Variants in GNAI2 observed in about 807,000 individuals in gnomAD.
The protein encoded by GNAI2 is G protein subunit alpha i2, also known as guanine nucleotide-binding protein G(i) subunit alpha-2.
In GNAI2, 4 loss-of-function variants were observed where a neutral mutation model predicts 36.8. That is an observed-to-expected ratio of 0.11 (90% confidence interval 0.05 to 0.25). The LOEUF is 0.25. Ranked by LOEUF, GNAI2 falls within the 10% of genes least tolerant of loss-of-function variation. GNAI2 has a pLI of 1.00. For synonymous variants in GNAI2, 194 were observed against 194.1 expected, an observed-to-expected ratio of 1.00 and a Z score of 0.01; for missense variants, 230 against 481.3, an observed-to-expected ratio of 0.48 and a Z score of 4.89.
chr3:50,246,620 C>T (rs587653233), intron 1 of GNAI2, among the ~76,000 whole-genome samples: 170 of 152,356 alleles, frequency 1.1e-3, no homozygotes, highest in Admixed American at 2.0e-3. Flanking sequence ...CTGCCCAAGT[C>T]TACCCTGTGG....
At chr3:50,240,762 C>CA (rs1316843712) in intron 1 of GNAI2, among the ~76,000 whole-genome samples, 2 of 151,580 alleles carry the variant, frequency 1.3e-5, no homozygotes. Flanking sequence ...ACTAAAAATA[C>CA]AAAAAAATTA....
At chr3:50,237,568 G>A (rs2109182450) in intron 1 of GNAI2, among the ~76,000 whole-genome samples, 1 of 152,058 alleles carries the variant, frequency 6.6e-6, no homozygotes, top group African/African-American at 2.4e-5. Context: ...GGGCTTGTTG[G>A]ATCTTGGGAC....
rs2109214043 is a variant in GNAI2, at chr3:50,253,986, G to T, written c.464+802G>T. Among the ~76,000 whole-genome samples the T allele has an allele frequency of 6.6e-6, 1 of 152,220 alleles. No homozygotes were observed. The highest frequency in any genetic ancestry group is 1.5e-5 in the Non-Finnish European group (1 of 68,012). On this transcript the variant is annotated intron_variant, in intron 4 of 8. Coordinates refer to ENST00000313601, the MANE Select transcript of GNAI2 (RefSeq NM_002070.4). This position sits in a 1 kb window ranked among gnomAD's most constrained non-coding sequence, Gnocchi z 4.2. ...AGCTGGCTGTGCTTGAACATAGGCT[G>T]TGGAGGCTGGCTGGAGGGGGCCACA...
rs11431707 is a variant in GNAI2 at position 50,244,997 on chromosome 3, A to ATT, written c.119-7088_119-7087dup. Among the ~76,000 whole-genome samples the ATT allele has an allele frequency of 1.0e-3, 146 of 139,892 alleles. 1 individual carries two copies. Among genetic ancestry groups the ATT allele is most frequent in the East Asian group, 0.01 (49 of 4,890 alleles). The allele number at this position is 139,892 out of a possible 152,430, so 91.8% of individuals were successfully genotyped here. The stretch of plus-strand genomic sequence containing the variant: ...CAGCACTAGAATCTGTGATGCTGTG[A>ATT]TTTTTTTTTTTTTTTTCTGAGACTG... On this transcript the variant is annotated intron_variant, in intron 1 of 8. Coordinates refer to ENST00000313601, the MANE Select transcript of GNAI2 (RefSeq NM_002070.4).
chr3:50,246,042 G>T (rs587672370), intron 1 of GNAI2, among the ~76,000 whole-genome samples: 105 of 152,298 alleles, frequency 6.9e-4, no homozygotes, highest in Non-Finnish European at 1.3e-3. Context: ...AAGACCTCGA[G>T]TCCCTGCCTC....
upstream of GNAI2, among the ~76,000 whole-genome samples, chr3:50,233,226 C>T (rs1553699962): frequency 6.6e-6 from 1 of 152,000 alleles, no homozygotes; most frequent in African/African-American, 2.4e-5. Flanking sequence ...AGCTGACTGG[C>T]GGGAAGGGTG....
In GNAI2 at chr3:50,236,285, G is replaced by A. The variant is rs1700165626; in HGVS notation, c.-51G>A. On this transcript the variant is annotated 5_prime_UTR_variant, in exon 1 of 9. Coordinates refer to ENST00000313601, the MANE Select transcript of GNAI2 (RefSeq NM_002070.4). The surrounding 1 kb of genome is among the most constrained non-coding windows in gnomAD (Gnocchi z 4.0). The stretch of plus-strand genomic sequence containing the variant: ...GAGTGGGTCGGGCGGGGCCGAGCCG[G>A]GCCGTGGGCCGTGTGGGGGCCGGGC... 2 of 1,278,406 alleles carry A rather than the reference G, an allele frequency of 1.6e-6. No individual in the cohort carries two copies. Among genetic ancestry groups the A allele is most frequent in the Non-Finnish European group, 2.0e-6 (2 of 1,013,336 alleles). The allele number at this position is 1,278,406 out of a possible 1,614,324, so 79.2% of individuals were successfully genotyped here. A position where few individuals can be genotyped will look rare whatever the true frequency, so the allele number is the denominator to read the frequency against.
Position 50,236,491 on chromosome 3 carries a change from G to T in GNAI2, c.118+38G>T. 1 of 1,559,240 alleles carries T rather than the reference G, an allele frequency of 6.4e-7. No homozygotes were observed. The highest frequency in any genetic ancestry group is 8.6e-7 in the Non-Finnish European group (1 of 1,157,844). On this transcript the variant is annotated intron_variant, in intron 1 of 8. Coordinates refer to ENST00000313601, the MANE Select transcript of GNAI2 (RefSeq NM_002070.4). The surrounding 1 kb of genome is among the most constrained non-coding windows in gnomAD (Gnocchi z 4.0). ...CCCGCACTGGGATCCTTGATTCCCAGCTCGAATCCCCAGACAAGGACTTTG... is the reference window on the plus strand; with the variant it reads ...CCCGCACTGGGATCCTTGATTCCCATCTCGAATCCCCAGACAAGGACTTTG...
chr3:50,239,716 T>C (rs1333293133), intron 1 of GNAI2: 2 of 152,260 alleles, frequency 1.3e-5, no homozygotes, highest in African/African-American at 4.8e-5. Flanking sequence ...CCACAGGCTA[T>C]GCTGGCACCT....
In GNAI2 at chr3:50,255,403, C is replaced by T. The variant is rs1700666973; in HGVS notation, c.465-789C>T. On this transcript the variant is annotated intron_variant, in intron 4 of 8. Transcript: ENST00000313601. This position sits in a 1 kb window ranked among gnomAD's most constrained non-coding sequence, Gnocchi z 4.0. Reference sequence around the variant, plus strand: ...CCTGAGGAACCCAGATTTCATTGGGCGCTGGGCAAAGAGCCCACTGGACCT... The same window carrying T: ...CCTGAGGAACCCAGATTTCATTGGGTGCTGGGCAAAGAGCCCACTGGACCT... Among the ~76,000 whole-genome samples the T allele has an allele frequency of 1.3e-5, 2 of 152,226 alleles. No homozygotes were observed. The highest frequency in any genetic ancestry group is 1.9e-4 in the East Asian group (1 of 5,192).
In GNAI2 at chr3:50,256,796, A is replaced by C. The variant is rs1350695889; in HGVS notation, c.667A>C (p.Ile223Leu). The part of the protein sequence containing the change: ...IHCFEGVTAI[I>L]FCVALSAYDL... ...CTGCTTTGAGGGCGTCACAGCCATC[A>C]TCTTCTGCGTAGCCTTGAGCGCCTA... is the stretch of plus-strand genomic sequence containing the variant. The change falls in exon 6 of 9, where the codon ATC becomes CTC. Residue 223 changes from isoleucine to leucine, a missense_variant. Physicochemically the swap from Ile to Leu is conservative, Grantham distance 5. This residue lies in a region of GNAI2 where 30 missense variants were observed against 128.7 expected (regional missense o/e 0.23). Transcript: ENST00000313601. The C allele has an allele frequency of 6.2e-7, 1 of 1,614,100 alleles. No homozygotes were observed. The highest frequency in any genetic ancestry group is 8.5e-7 in the Non-Finnish European group (1 of 1,180,016).
intron 1 of GNAI2, among the ~76,000 whole-genome samples, chr3:50,243,720 A>C (rs971835676): frequency 6.6e-6 from 1 of 152,200 alleles, no homozygotes; most frequent in Admixed American, 6.5e-5. Flanking sequence ...AAGCTCAGGG[A>C]CTTTATGCAC....
In GNAI2 at chr3:50,242,754, A is replaced by G. The variant is rs1700325115; in HGVS notation, c.118+6301A>G. On this transcript the variant is annotated intron_variant, in intron 1 of 8. Transcript: ENST00000313601. This position sits in a 1 kb window ranked among gnomAD's most constrained non-coding sequence, Gnocchi z 4.8. ...TGCACATTTACAAGGCTTGAAAGGC[A>G]GCACCACACCAGTCTGAGCAAAGGC... Among the ~76,000 whole-genome samples the G allele has an allele frequency of 6.6e-6, 1 of 152,188 alleles. No homozygotes were observed. Among genetic ancestry groups the G allele is most frequent in the Non-Finnish European group, 1.5e-5 (1 of 68,042 alleles).
At position 50,241,890 on chromosome 3, in the gene GNAI2, C is replaced by A. The variant is rs1700307155; in HGVS notation, c.118+5437C>A. On this transcript the variant is annotated intron_variant, in intron 1 of 8. Coordinates refer to ENST00000313601, the MANE Select transcript of GNAI2 (RefSeq NM_002070.4). This position sits in a 1 kb window ranked among gnomAD's most constrained non-coding sequence, Gnocchi z 5.0. ...TCACTGAGTGCCATCACTGATGTCC[C>A]AGGCCCTTGAACATCAGTTTGCCTG... Among the ~76,000 whole-genome samples the A allele has an allele frequency of 6.6e-6, 1 of 152,174 alleles. No homozygotes were observed. Among genetic ancestry groups the A allele is most frequent in the Non-Finnish European group, 1.5e-5 (1 of 68,018 alleles).
Position 50,252,578 on chromosome 3 carries a change from G to T in GNAI2, c.303+40G>T, listed in dbSNP as rs920485573. 6.4e-7 allele frequency: 1 copy of T among 1,562,086 alleles called. No homozygotes were observed. The highest frequency in any genetic ancestry group is 8.8e-7 in the Non-Finnish European group (1 of 1,141,016). ...CCCCACCCTCTCCCACCTCCCAAAA[G>T]GTTTCGGGGTGGCTGGTTGTGGTGG... is the stretch of plus-strand genomic sequence containing the variant. On this transcript the variant is annotated intron_variant, in intron 3 of 8. Coordinates refer to ENST00000313601, the MANE Select transcript of GNAI2 (RefSeq NM_002070.4). The surrounding 1 kb of genome is among the most constrained non-coding windows in gnomAD (Gnocchi z 4.1).
intron 1 of GNAI2, among the ~76,000 whole-genome samples, chr3:50,249,114 C>T (rs1456878470): frequency 2.0e-5 from 3 of 152,156 alleles, no homozygotes; most frequent in African/African-American, 7.2e-5. Context: ...AAGCTTTCAC[C>T]CTAGACCTCA....
At position 50,257,600 on chromosome 3, in the gene GNAI2, C is replaced by T. The variant is rs587605417; in HGVS notation, c.978C>T (p.Cys326=). 2.3e-5 allele frequency: 37 copies of T among 1,610,810 alleles called. No homozygotes were observed. The highest frequency in any genetic ancestry group is 2.0e-4 in the South Asian group (18 of 90,860). The change falls in exon 8 of 9, where the codon TGC becomes TGT. Residue 326 remains cysteine (C), a synonymous_variant. Transcript: ENST00000313601. ...AGGAGATCTACACGCACTTCACGTG[C>T]GCCACCGACACCAAGAACGTGCAGT... is the stretch of plus-strand genomic sequence containing the variant. The part of the protein sequence containing the change: ...DTKEIYTHFT[C]ATDTKNVQFV...
rs1213319240 is a variant in GNAI2, at chr3:50,236,593, A to G, written c.118+140A>G. 5 of 1,221,750 alleles carry G rather than the reference A, an allele frequency of 4.1e-6. No homozygotes were observed. The African/African-American group carries it at 8.1e-5, about 20-fold the overall frequency. 75.7% of individuals were successfully genotyped at this position (1,221,750 alleles called of 1,614,324 possible). ...ACACCTGGGCCAGGACCAGGGTTGA[A>G]AACTCTAGATTGGACTAGACCTTTG... On this transcript the variant is annotated intron_variant, in intron 1 of 8. Coordinates refer to ENST00000313601, the MANE Select transcript of GNAI2 (RefSeq NM_002070.4). This position sits in a 1 kb window ranked among gnomAD's most constrained non-coding sequence, Gnocchi z 4.0.
Position 50,252,397 on chromosome 3 carries a change from G to A in GNAI2, c.162G>A (p.Lys54=). The A allele has an allele frequency of 6.2e-7, 1 of 1,613,682 alleles. No individual in the cohort carries two copies. Residue 54 remains lysine, a splice_region_variant and synonymous_variant, in exon 3 of 9, where the codon AAG becomes AAA. Coordinates refer to ENST00000313601, the MANE Select transcript of GNAI2 (RefSeq NM_002070.4). The surrounding 1 kb of genome is among the most constrained non-coding windows in gnomAD (Gnocchi z 4.1). ...SGKSTIVKQM[K]IIHEDGYSEE... The stretch of plus-strand genomic sequence containing the variant: ...AACCTTCCTGGTCCCTGGCTATCAG[G>A]ATCATCCACGAGGATGGCTACTCCG...
Sources: allele counts gnomAD v4.1 joint callset (sites outside exome capture counted in the v4.1 genomes callset), GRCh38; gene constraint gnomAD v4.1.1; regional missense constraint gnomAD v4.1.1; non-coding constraint Gnocchi (gnomAD v3.1); transcripts MANE v1.5; gene names NCBI Gene and HGNC (gene_info 2026-07-23, HGNC 2026-07-21).